The following SLCO3A1 variants were observed in gnomAD, a reference collection of about 807,000 sequenced individuals.
SLCO3A1 encodes PGE1 transporter.
Under a neutral mutation model 63.1 loss-of-function variants are expected in SLCO3A1, and 27 were observed. The ratio of observed to expected loss-of-function variants is 0.43; its 90% confidence interval spans 0.32 to 0.59. The LOEUF (loss-of-function observed/expected upper bound fraction) is 0.59. Among genes scored for constraint, SLCO3A1 ranks in the 20% least tolerant of loss-of-function variants. The pLI, the probability that SLCO3A1 is intolerant of heterozygous loss-of-function variation, is 0.09. For missense variants in SLCO3A1, 773 were observed against 945.8 expected, an observed-to-expected ratio of 0.82 and a Z score of 2.40; for synonymous variants, 473 against 409.9, an observed-to-expected ratio of 1.15 and a Z score of -1.86.
intron 1 of SLCO3A1, among the ~76,000 whole-genome samples, chr15:91,910,574 C>T (rs575346656): frequency 1.3e-5 from 2 of 152,340 alleles, no homozygotes; most frequent in Admixed American, 1.3e-4. Context: ...TCCGCAGAAG[C>T]AAGTATTGTT....
intron 2 of SLCO3A1, among the ~76,000 whole-genome samples, chr15:92,057,352 C>T (rs549312536): frequency 1.3e-5 from 2 of 152,194 alleles, no homozygotes; most frequent in African/African-American, 2.4e-5. Context: ...TTACTGTATT[C>T]GTTTTCTTAT....
intron 9 of SLCO3A1, among the ~76,000 whole-genome samples, chr15:92,152,085 A>G (rs944235161): frequency 6.6e-6 from 1 of 152,220 alleles, no homozygotes; most frequent in African/African-American, 2.4e-5. Flanking sequence ...AACTTTTGCA[A>G]TATTTTTCCA....
At chr15:91,909,511 T>C (rs766689040) in intron 1 of SLCO3A1, among the ~76,000 whole-genome samples, 5 of 152,138 alleles carry the variant, frequency 3.3e-5, no homozygotes, top group Non-Finnish European at 7.4e-5. Context: ...CACAGCGAGA[T>C]TGACATCTCC....
At chr15:92,090,686 A>C (rs1314541790) in intron 2 of SLCO3A1, among the ~76,000 whole-genome samples, 1 of 152,092 alleles carries the variant, frequency 6.6e-6, no homozygotes, top group African/African-American at 2.4e-5. Context: ...TCTCCCCCAA[A>C]GATAGCTTTA....
intron 2 of SLCO3A1, among the ~76,000 whole-genome samples, chr15:92,087,167 G>A (rs1359205552): frequency 1.8e-5 from 1 of 55,736 alleles, no homozygotes; most frequent in Non-Finnish European, 3.7e-5. Flanking sequence ...CCCTCCCTCC[G>A]CCCACCGCCT....
At chr15:92,082,603 C>T (rs377741310) in intron 2 of SLCO3A1, among the ~76,000 whole-genome samples, 1 of 152,144 alleles carries the variant, frequency 6.6e-6, no homozygotes, top group East Asian at 1.9e-4. Context: ...ACTCATTGTT[C>T]CTGAAACACA....
At chr15:91,867,307 A>G (rs1332642149) in intron 1 of SLCO3A1, among the ~76,000 whole-genome samples, 4 of 152,200 alleles carry the variant, frequency 2.6e-5, no homozygotes, top group Non-Finnish European at 5.9e-5. Flanking sequence ...TGCTGAGGCC[A>G]AGGGGCTGAA....
At chr15:91,895,994 A>C (rs975793130) in intron 1 of SLCO3A1, among the ~76,000 whole-genome samples, 1 of 152,194 alleles carries the variant, frequency 6.6e-6, no homozygotes, top group Non-Finnish European at 1.5e-5. Context: ...TATTCAGTTA[A>C]AAGCACTCAA....
chr15:92,070,875 G>C (rs1173571871), intron 2 of SLCO3A1, among the ~76,000 whole-genome samples: 1 of 152,012 alleles, frequency 6.6e-6, no homozygotes, highest in Non-Finnish European at 1.5e-5. Context: ...TAGGTATACT[G>C]AACTATATAC....
Position 92,162,976 on chromosome 15 carries a change from C to T in SLCO3A1, c.1974C>T (p.Asn658=), listed in dbSNP as rs2151605162. The change falls in exon 10 of 10, where the codon AAC becomes AAT. Residue 658 remains asparagine, a synonymous_variant. Transcript: ENST00000318445. ...AAAACTATAAACGCTACATCAAAAA[C>T]CACGAGGGCGGGCTGAGCACCAGTG... is the stretch of plus-strand genomic sequence containing the variant. ...LRKNYKRYIK[N]HEGGLSTSEF... The T allele has an allele frequency of 1.2e-6, 2 of 1,614,046 alleles. No homozygotes were observed. The highest frequency in any genetic ancestry group is 4.5e-5 in the East Asian group (2 of 44,874).
chr15:91,997,196 A>G (rs955200128), intron 2 of SLCO3A1, among the ~76,000 whole-genome samples: 2 of 152,208 alleles, frequency 1.3e-5, no homozygotes, highest in Non-Finnish European at 2.9e-5. Flanking sequence ...TAGCATTTCT[A>G]TACACAAATA....
chr15:92,163,166 T>C lies in SLCO3A1; in HGVS notation c.*31T>C. 6.9e-7 allele frequency: 1 copy of C among 1,453,344 alleles called. No homozygotes were observed. Among genetic ancestry groups the C allele is most frequent in the Non-Finnish European group, 9.0e-7 (1 of 1,105,448 alleles). The allele number at this position is 1,453,344 out of a possible 1,614,324, so 90.0% of individuals were successfully genotyped here. A position where few individuals can be genotyped will look rare whatever the true frequency, so the allele number is the denominator to read the frequency against. On this transcript the variant is annotated 3_prime_UTR_variant, in exon 10 of 10. Coordinates refer to ENST00000318445, the MANE Select transcript of SLCO3A1 (RefSeq NM_013272.4). ...AAAGGAGGGCTGAACTCTGTATTAGTAATCCAAGGGTCATTTTTTTCTTAA... is the reference window on the plus strand; with the variant it reads ...AAAGGAGGGCTGAACTCTGTATTAGCAATCCAAGGGTCATTTTTTTCTTAA...
chr15:91,926,432 C>T (rs561767185), intron 2 of SLCO3A1, among the ~76,000 whole-genome samples: 25 of 152,192 alleles, frequency 1.6e-4, no homozygotes, highest in African/African-American at 5.8e-4. Flanking sequence ...GGCTCTTTTA[C>T]TTGACTGCAA....
intron 1 of SLCO3A1, among the ~76,000 whole-genome samples, chr15:91,855,588 A>G (rs1485954048): frequency 6.6e-6 from 1 of 152,210 alleles, no homozygotes; most frequent in Non-Finnish European, 1.5e-5. Context: ...TAGTTATAAT[A>G]TGCAGTTGCA....
intron 2 of SLCO3A1, among the ~76,000 whole-genome samples, chr15:91,988,755 G>A (rs1376276169): frequency 2.6e-5 from 4 of 151,642 alleles, no homozygotes; most frequent in African/African-American, 9.7e-5. Flanking sequence ...CCAGGAACCA[G>A]GCTTTGAAAA....
At chr15:92,002,066 T>A (rs1400513973) in intron 2 of SLCO3A1, among the ~76,000 whole-genome samples, 1 of 152,114 alleles carries the variant, frequency 6.6e-6, no homozygotes. Context: ...ACATAGGGAC[T>A]CTTGGGTAAG....
intron 2 of SLCO3A1, among the ~76,000 whole-genome samples, chr15:91,997,238 A>G (rs575246677): frequency 6.3e-4 from 96 of 152,354 alleles, no homozygotes; most frequent in African/African-American, 2.3e-3. Context: ...TCAAGAATGC[A>G]ATAACATTTA....
chr15:92,083,101 T>C (rs2047366022), intron 2 of SLCO3A1, among the ~76,000 whole-genome samples: 1 of 152,218 alleles, frequency 6.6e-6, no homozygotes, highest in African/African-American at 2.4e-5. Flanking sequence ...ATTACTTTTA[T>C]AATCAGACGA....
chr15:91,914,653 G>T (rs570153652), intron 1 of SLCO3A1, among the ~76,000 whole-genome samples: 1 of 141,176 alleles, frequency 7.1e-6, no homozygotes, highest in South Asian at 2.3e-4. Flanking sequence ...CACTGCAACC[G>T]CCGCCTCCAG....
Sources: allele counts gnomAD v4.1 joint callset (sites outside exome capture counted in the v4.1 genomes callset), GRCh38; gene constraint gnomAD v4.1.1; transcripts MANE v1.5; gene names NCBI Gene and HGNC (gene_info 2026-07-23, HGNC 2026-07-21).